DCAF10: variants seen among roughly 807,000 people sequenced by gnomAD.
The protein encoded by DCAF10 is DDB1 and CUL4 associated factor 10.
DCAF10 carries 19 observed loss-of-function variants against 51.9 expected under a neutral mutation model. The ratio of observed to expected loss-of-function variants is 0.37; its 90% confidence interval spans 0.26 to 0.54. DCAF10 has a LOEUF of 0.54. DCAF10 is among the 20% of genes least tolerant of loss of function. The probability of loss-of-function intolerance (pLI) is 0.87; values close to 1 mark genes in which losing one functional copy is unlikely to be tolerated. For synonymous variants in DCAF10, 291 were observed against 297.1 expected (o/e 0.98, Z 0.21); for missense variants, 510 against 730.6 (o/e 0.70, Z 3.48).
chr9:37,842,371 C>T (rs1350334408), intron 3 of DCAF10, 85 bp downstream of exon 3: 1 of 1,314,416 alleles, frequency 7.6e-7, no homozygotes, highest in African/African-American at 1.5e-5. Context: ...TCTGTCCTAG[C>T]CTCAAGAAGG....
intron 1 of DCAF10, among the ~76,000 whole-genome samples, chr9:37,809,104 A>AG (rs2119025875): frequency 6.6e-6 from 1 of 151,552 alleles, no homozygotes; most frequent in East Asian, 1.9e-4. Context: ...AAAAAAAAAA[A>AG]AAAAGATAAC....
chr9:37,857,145 A>C (rs942514834), intron 4 of DCAF10, 96 bp from the exon 5 acceptor site: 1 of 1,012,370 alleles, frequency 9.9e-7, no homozygotes, highest in African/African-American at 1.6e-5. Flanking sequence ...ATTTTTTCAA[A>C]ATTTTAAAAC....
intron 3 of DCAF10, 106 bp downstream of exon 3, chr9:37,842,392 T>C: frequency 8.7e-7 from 1 of 1,144,258 alleles, no homozygotes; most frequent in Non-Finnish European, 1.2e-6. Flanking sequence ...AAACTGGCTT[T>C]AGGAAAAGCA....
chr9:37,831,034 C>T (rs1829991033), intron 2 of DCAF10, among the ~76,000 whole-genome samples: 1 of 152,154 alleles, frequency 6.6e-6, no homozygotes, highest in Non-Finnish European at 1.5e-5. Flanking sequence ...ACCAACCTGG[C>T]TAACATGGTG....
intron 2 of DCAF10, among the ~76,000 whole-genome samples, chr9:37,824,154 T>A (rs1829786437): frequency 6.6e-6 from 1 of 152,180 alleles, no homozygotes; most frequent in Non-Finnish European, 1.5e-5. Flanking sequence ...GTGCTGGGAT[T>A]ACAGGCATCA....
intron 2 of DCAF10, among the ~76,000 whole-genome samples, chr9:37,839,553 T>C (rs2118022747): frequency 6.6e-6 from 1 of 152,306 alleles, no homozygotes; most frequent in South Asian, 2.1e-4. Context: ...AAATGTATTT[T>C]TATAATTAAA....
chr9:37,820,996 C>G (rs1231337297), intron 2 of DCAF10, among the ~76,000 whole-genome samples: 2 of 151,962 alleles, frequency 1.3e-5, no homozygotes, highest in Non-Finnish European at 2.9e-5. Flanking sequence ...CTATCTCCAC[C>G]TCTTTCACCT....
At chr9:37,811,545 C>G (rs188641461) in intron 1 of DCAF10, among the ~76,000 whole-genome samples, 1 of 151,910 alleles carries the variant, frequency 6.6e-6, no homozygotes, top group East Asian at 1.9e-4. Flanking sequence ...TAGCAGAGAA[C>G]TAGAAGCTAA....
intron 3 of DCAF10, among the ~76,000 whole-genome samples, chr9:37,847,856 A>G (rs1830524044): frequency 6.6e-6 from 1 of 152,224 alleles, no homozygotes. Context: ...GCAATGAACA[A>G]TCCAAAAATG....
intron 3 of DCAF10, among the ~76,000 whole-genome samples, chr9:37,850,318 A>G (rs762964686): frequency 1.7e-4 from 26 of 152,186 alleles, no homozygotes; most frequent in Admixed American, 3.3e-4. Context: ...TGTCAAAAAG[A>G]TATCTGCACT....
Position 37,853,391 on chromosome 9 carries a change from C to T in DCAF10, c.852-1389C>T, listed in dbSNP as rs916511993. ...CAGTACCATTGCACTCCAGCCTGGGCGACAAGAGCAAAACTCCATCTCAAA... is the reference window on the plus strand; with the variant it reads ...CAGTACCATTGCACTCCAGCCTGGGTGACAAGAGCAAAACTCCATCTCAAA... On this transcript the variant is annotated intron_variant, in intron 3 of 6. Transcript: ENST00000377724. 1.7e-4 allele frequency among the ~76,000 whole-genome samples: 21 copies of T among 120,876 alleles called. No individual in the cohort carries two copies. In the South Asian group the frequency reaches 2.0e-3, roughly 11 times the overall value. 79.3% of individuals were successfully genotyped at this position (120,876 alleles called of 152,430 possible).
intron 3 of DCAF10, among the ~76,000 whole-genome samples, chr9:37,846,656 C>A (rs1385241442): frequency 6.6e-6 from 1 of 151,986 alleles, no homozygotes; most frequent in African/African-American, 2.4e-5. Flanking sequence ...AGGGTTTCAC[C>A]ATGTTGGTCA....
chr9:37,859,818 G>A (rs2118195628), intron 5 of DCAF10, among the ~76,000 whole-genome samples: 1 of 152,256 alleles, frequency 6.6e-6, no homozygotes, highest in Non-Finnish European at 1.5e-5. Context: ...AATTACTGCT[G>A]TGGGAACTTG....
chr9:37,822,442 T>TATATA (rs1829734628), intron 2 of DCAF10, among the ~76,000 whole-genome samples: 1 of 129,118 alleles, frequency 7.7e-6, no homozygotes, highest in East Asian at 2.3e-4. Flanking sequence ...TATATATATA[T>TATATA]GATGGAATAT....
intron 2 of DCAF10, among the ~76,000 whole-genome samples, chr9:37,833,860 G>A (rs955827118): frequency 2.0e-5 from 3 of 152,024 alleles, no homozygotes; most frequent in African/African-American, 7.3e-5. Flanking sequence ...GTTGATTTTG[G>A]GATAAAAATT....
intron 1 of DCAF10, among the ~76,000 whole-genome samples, chr9:37,818,976 A>T (rs576906609): frequency 2.1e-4 from 32 of 152,154 alleles, no homozygotes; most frequent in Non-Finnish European, 4.4e-4. Flanking sequence ...TTTGTAAGTA[A>T]TTAGTTCTCT....
At chr9:37,825,498 C>T (rs1829824855) in intron 2 of DCAF10, among the ~76,000 whole-genome samples, 1 of 152,272 alleles carries the variant, frequency 6.6e-6, no homozygotes, top group African/African-American at 2.4e-5. Context: ...TGCATGTTCT[C>T]ACTTAGAAGT....
chr9:37,826,886 C>T (rs558301847), intron 2 of DCAF10, among the ~76,000 whole-genome samples: 58 of 137,984 alleles, frequency 4.2e-4, no homozygotes, highest in African/African-American at 1.5e-3. Flanking sequence ...AGAGCAATGG[C>T]GCGATCTCGG....
Position 37,829,945 on chromosome 9 carries a change from G to C in DCAF10, c.653+10544G>C, listed in dbSNP as rs1416150326. Among the ~76,000 whole-genome samples the C allele has an allele frequency of 6.6e-6, 1 of 152,176 alleles. No individual in the cohort carries two copies. Among genetic ancestry groups the C allele is most frequent in the African/African-American group, 2.4e-5 (1 of 41,454 alleles). On this transcript the variant is annotated intron_variant, in intron 2 of 6. Coordinates refer to ENST00000377724, the MANE Select transcript of DCAF10 (RefSeq NM_024345.5). This position sits in a 1 kb window ranked among gnomAD's most constrained non-coding sequence, Gnocchi z 4.2. ...TTGAGCCCAGGAGTTTGAGGCTGCA[G>C]GGAGCCATGATTGCACCACTGCATT... is the stretch of plus-strand genomic sequence containing the variant.
Sources: gnomAD v4.1 joint callset for allele counts (sites outside exome capture counted in the v4.1 genomes callset) on GRCh38, gnomAD v4.1.1 for gene constraint, Gnocchi (gnomAD v3.1) non-coding constraint, MANE v1.5 for transcripts, NCBI Gene and HGNC (gene_info 2026-07-23, HGNC 2026-07-21) for gene names.